Variants in RASEF observed in about 807,000 individuals in gnomAD.
RASEF encodes ras and EF-hand domain-containing protein.
Under a neutral mutation model 90.1 loss-of-function variants are expected in RASEF, and 68 were observed. The ratio of observed to expected loss-of-function variants is 0.75; its 90% CI spans 0.62 to 0.92. The LOEUF is 0.92. RASEF is among the 40% of genes least tolerant of loss of function. The pLI is 0.00. For missense variants in RASEF, 949 were observed against 937.2 expected, an observed-to-expected ratio of 1.01 and a Z score of -0.16; for synonymous variants, 331 against 345.2, an observed-to-expected ratio of 0.96 and a Z score of 0.46.
the RASEF span, among the ~76,000 whole-genome samples, chr9:83,164,552 A>G: frequency 2.0e-5 from 3 of 150,610 alleles, no homozygotes; most frequent in Admixed American, 6.6e-5. Flanking sequence ...TTAAAAGTTA[A>G]AGAAATGAAG....
the RASEF span, among the ~76,000 whole-genome samples, chr9:83,161,657 T>G: frequency 7.2e-6 from 1 of 138,486 alleles, no homozygotes; most frequent in African/African-American, 2.8e-5. Context: ...TTTTGAAATG[T>G]GAGGACATGA....
At chr9:83,120,126 G>A in the RASEF span, among the ~76,000 whole-genome samples, 2 of 152,170 alleles carry the variant, frequency 1.3e-5, no homozygotes, top group Non-Finnish European at 2.9e-5. Flanking sequence ...GCCAACTGCT[G>A]GAGGAATTAT....
chr9:83,000,024 CACACACACACACAT>C (rs1828997091), intron 12 of RASEF, 131 bp downstream of exon 12: 2 of 436,048 alleles, frequency 4.6e-6, no homozygotes, highest in Non-Finnish European at 7.9e-6. Context: ...CACACACACA[CACACACACACACAT>C]TTATATATGT....
chr9:83,185,602 T>C, the RASEF span, among the ~76,000 whole-genome samples: 1 of 152,134 alleles, frequency 6.6e-6, no homozygotes, highest in Non-Finnish European at 1.5e-5. Context: ...TGCAGTCTGA[T>C]GTTCCCAACA....
the RASEF span, among the ~76,000 whole-genome samples, chr9:83,128,373 C>T: frequency 6.6e-6 from 1 of 151,980 alleles, no homozygotes; most frequent in Non-Finnish European, 1.5e-5. Flanking sequence ...GATTGGTCCC[C>T]ACCCTTCACC....
the RASEF span, among the ~76,000 whole-genome samples, chr9:83,173,623 G>C: frequency 6.6e-6 from 1 of 151,530 alleles, no homozygotes; most frequent in Non-Finnish European, 1.5e-5. Context: ...AAATTTCTTT[G>C]ATAGCATTCT....
the RASEF span, among the ~76,000 whole-genome samples, chr9:83,141,649 C>A: frequency 6.6e-6 from 1 of 152,206 alleles, no homozygotes; most frequent in Non-Finnish European, 1.5e-5. Flanking sequence ...TCGGTACTCA[C>A]CAAGGTCTGC....
the RASEF span, among the ~76,000 whole-genome samples, chr9:83,139,975 CAAT>C: frequency 1.3e-5 from 2 of 152,026 alleles, no homozygotes; most frequent in Non-Finnish European, 2.9e-5. Flanking sequence ...GGCTATAAAT[CAAT>C]GATGTTCTTA....
Position 83,045,246 on chromosome 9 carries a change from A to T in RASEF, c.431+17191T>A, listed in dbSNP as rs533781178. On this transcript the variant is annotated intron_variant, in intron 1 of 16. Coordinates refer to ENST00000376447, the MANE Select transcript of RASEF (RefSeq NM_152573.4). ...GTTTCTCTGGAGAACTCTAACTAAT[A>T]CAAGTGTCTTAAATCACTGCACTTT... Among the ~76,000 whole-genome samples, 42 of 152,360 alleles carry T rather than the reference A, an allele frequency of 2.8e-4. 1 individual carries two copies. In the South Asian group the frequency reaches 8.5e-3, roughly 31 times the overall value.
the RASEF span, among the ~76,000 whole-genome samples, chr9:83,216,883 C>T: frequency 1.3e-5 from 2 of 152,046 alleles, no homozygotes; most frequent in African/African-American, 4.8e-5. Context: ...TCTCCCCACC[C>T]CAGAATGGTA....
At chr9:83,142,428 T>C in the RASEF span, among the ~76,000 whole-genome samples, 7 of 152,302 alleles carry the variant, frequency 4.6e-5, no homozygotes, top group South Asian at 1.4e-3. Context: ...ACTACATGCA[T>C]TTTAGATAGT....
the RASEF span, among the ~76,000 whole-genome samples, chr9:83,166,545 C>A: frequency 6.6e-6 from 1 of 152,128 alleles, no homozygotes; most frequent in African/African-American, 2.4e-5. Context: ...CCCACGCTGA[C>A]GTAGAACCCA....
In RASEF at chr9:83,062,338, TAGG is replaced by T. The variant is rs1466983107; in HGVS notation, c.431+96_431+98del. ...AAGACAAGCAACTCACAGAGAAGAC[TAGG>T]GGGGGGGGCCATTGGGTCTGCACAC... On this transcript the variant is annotated intron_variant, in intron 1 of 16. Coordinates refer to ENST00000376447, the MANE Select transcript of RASEF (RefSeq NM_152573.4). 1.3e-3 allele frequency: 947 copies of T among 749,096 alleles called. 6 individuals are homozygous for T. The highest frequency in any genetic ancestry group is 5.1e-3 in the African/African-American group (121 of 23,572). 46.4% of individuals were successfully genotyped at this position (749,096 alleles called of 1,614,324 possible).
At chr9:83,155,628 C>A in the RASEF span, among the ~76,000 whole-genome samples, 1 of 151,834 alleles carries the variant, frequency 6.6e-6, no homozygotes, top group African/African-American at 2.4e-5. Context: ...ACAGCCAAAC[C>A]ATATCATTGG....
At chr9:83,119,083 C>G in the RASEF span, among the ~76,000 whole-genome samples, 1 of 148,988 alleles carries the variant, frequency 6.7e-6, no homozygotes, top group South Asian at 2.1e-4. Flanking sequence ...TCTCGGCCCA[C>G]TGCAATCTCC....
chr9:82,991,032 G>A (rs1828803511), intron 15 of RASEF, among the ~76,000 whole-genome samples: 1 of 152,146 alleles, frequency 6.6e-6, no homozygotes, highest in African/African-American at 2.4e-5. Context: ...TTTAGGTAAT[G>A]TGAAAATGCT....
At chr9:83,196,592 A>G in the RASEF span, among the ~76,000 whole-genome samples, 1 of 152,170 alleles carries the variant, frequency 6.6e-6, no homozygotes, top group African/African-American at 2.4e-5. Context: ...CTATAAAGCC[A>G]TCTAAACATA....
At chr9:83,131,418 T>C in the RASEF span, among the ~76,000 whole-genome samples, 2 of 152,176 alleles carry the variant, frequency 1.3e-5, no homozygotes, top group Non-Finnish European at 2.9e-5. Context: ...CAGCAGGAGG[T>C]ATCCTCTAAC....
chr9:83,010,235 T>G (rs2118496087), intron 5 of RASEF, among the ~76,000 whole-genome samples: 1 of 152,340 alleles, frequency 6.6e-6, no homozygotes, highest in Admixed American at 6.5e-5. Flanking sequence ...ATTTGAAAAT[T>G]TCTGTATTTT....
Sources: gnomAD v4.1 joint callset for allele counts (sites outside exome capture counted in the v4.1 genomes callset) on GRCh38, gnomAD v4.1.1 for gene constraint, MANE v1.5 for transcripts, NCBI Gene and HGNC (gene_info 2026-07-23, HGNC 2026-07-21) for gene names.